Variants in ATP2A1 observed in about 807,000 individuals in gnomAD.
ATP2A1 encodes the protein sarcoplasmic/endoplasmic reticulum calcium ATPase 1.
A neutral mutation model predicts 109.5 loss-of-function variants in ATP2A1; 83 were observed. The ratio of observed to expected loss-of-function variants is 0.76; its 90% CI spans 0.63 to 0.91. ATP2A1 has a LOEUF of 0.91. Among genes scored for constraint, ATP2A1 ranks in the 40% least tolerant of loss-of-function variants. The probability of loss-of-function intolerance (pLI) is 0.00; values close to 1 mark genes in which losing one functional copy is unlikely to be tolerated. For missense variants in ATP2A1, 1,101 were observed against 1,341.0 expected (o/e 0.82, Z 2.80); for synonymous variants, 505 against 537.6 (o/e 0.94, Z 0.84).
intron 9 of ATP2A1, among the ~76,000 whole-genome samples, chr16:28,893,655 GTTT>G (rs11304796): frequency 5.4e-5 from 6 of 111,982 alleles, no homozygotes; most frequent in Admixed American, 9.5e-5. Context: ...GTTTTTTTTT[GTTT>G]TTTTTTTTTT....
intron 6 of ATP2A1, among the ~76,000 whole-genome samples, chr16:28,885,553 A>G (rs1441915130): frequency 3.9e-5 from 6 of 151,946 alleles, no homozygotes; most frequent in Non-Finnish European, 7.4e-5. Flanking sequence ...CGTCTTGGCC[A>G]GGCTGGTCTT....
Position 28,898,045 on chromosome 16 carries a change from C to A in ATP2A1, c.1465C>A (p.Arg489=), listed in dbSNP as rs371090069. Residue 489 remains arginine, a synonymous_variant, in exon 13 of 23, where the codon CGA becomes AGA. Coordinates refer to ENST00000395503, the MANE Select transcript of ATP2A1 (RefSeq NM_004320.6). This position sits in a 1 kb window ranked among gnomAD's most constrained non-coding sequence, Gnocchi z 4.0. ...GAAGGAATTCACCCTGGAGTTCTCC[C>A]GAGACAGAAAGTCCATGTCTGTCTA... is the stretch of plus-strand genomic sequence containing the variant. The part of the protein sequence containing the change: ...MKKEFTLEFS[R]DRKSMSVYCS... 3 of 1,614,044 alleles carry A rather than the reference C, an allele frequency of 1.9e-6. No homozygotes were observed. Among genetic ancestry groups the A allele is most frequent in the African/African-American group, 2.7e-5 (2 of 74,936 alleles).
Position 28,882,468 on chromosome 16 carries a change from C to T in ATP2A1, c.342C>T (p.Asn114=), listed in dbSNP as rs770335039. 33 of 1,614,066 alleles carry T rather than the reference C, an allele frequency of 2.0e-5. No individual in the cohort carries two copies. In the Admixed American group the frequency reaches 4.5e-4, roughly 22 times the overall value. The change falls in exon 5 of 23, where the codon AAC becomes AAT. Residue 114 remains asparagine (N), a synonymous_variant. Coordinates refer to ENST00000395503, the MANE Select transcript of ATP2A1 (RefSeq NM_004320.6). ...CTCCTCAGGAGCGGAACGCAGAGAA[C>T]GCCATCGAGGCCCTGAAGGAGTATG... is the stretch of plus-strand genomic sequence containing the variant. ...VGVWQERNAE[N]AIEALKEYEP...
rs755230208 is a variant in ATP2A1 at position 28,902,817 on chromosome 16, G to A, written c.2650G>A (p.Glu884Lys). 1 of 1,613,930 alleles carries A rather than the reference G, an allele frequency of 6.2e-7. No homozygotes were observed. The highest frequency in any genetic ancestry group is 8.5e-7 in the Non-Finnish European group (1 of 1,179,920). ...GTGCACCGAGGACAACACCCACTTT[G>A]AGGGCATAGACTGTGAGGTCTTCGA... ...MQCTEDNTHFEGIDCEVFEAP... is the reference protein window; with the variant it reads ...MQCTEDNTHFKGIDCEVFEAP... The change falls in exon 19 of 23, where the codon GAG becomes AAG. Residue 884 changes from glutamate (E) to lysine (K), a missense_variant. Transcript: ENST00000395503. The surrounding 1 kb of genome is among the most constrained non-coding windows in gnomAD (Gnocchi z 4.8).
chr16:28,902,494 C>A lies in ATP2A1; in HGVS notation c.2525-86C>A. On this transcript the variant is annotated intron_variant, in intron 17 of 22. Transcript: ENST00000395503. The surrounding 1 kb of genome is among the most constrained non-coding windows in gnomAD (Gnocchi z 4.8). Reference sequence around the variant, plus strand: ...TGAGAGGGTCTTCTTCCTTGGCCAGCCTGTCCATGGCCACATGAGGCCCTC... The same window carrying A: ...TGAGAGGGTCTTCTTCCTTGGCCAGACTGTCCATGGCCACATGAGGCCCTC... The A allele has an allele frequency of 6.4e-7, 1 of 1,562,014 alleles. No homozygotes were observed. Among genetic ancestry groups the A allele is most frequent in the Non-Finnish European group, 8.8e-7 (1 of 1,140,876 alleles).
chr16:28,882,683 A>C, intron 5 of ATP2A1, 94 bp downstream of exon 5: 1 of 1,553,234 alleles, frequency 6.4e-7, no homozygotes, highest in Non-Finnish European at 8.7e-7. Context: ...CCAGGTGTCC[A>C]GGAGGATGAC....
Position 28,884,668 on chromosome 16 carries a change from G to A in ATP2A1, c.544+13G>A, listed in dbSNP as rs776048985. Reference sequence around the variant, plus strand: ...TCCATCCTGACAGGTCTGCTGGCCTGGGTGGGAAGATGCATGGGGGTGGGA... The same window carrying A: ...TCCATCCTGACAGGTCTGCTGGCCTAGGTGGGAAGATGCATGGGGGTGGGA... On this transcript the variant is annotated intron_variant, in intron 6 of 22. Transcript: ENST00000395503. The A allele has an allele frequency of 3.1e-6, 5 of 1,611,286 alleles. No individual in the cohort carries two copies. In the South Asian group the frequency reaches 5.5e-5, roughly 18 times the overall value.
chr16:28,902,550 T>C lies in ATP2A1; in HGVS notation c.2525-30T>C, dbSNP rs1567491963. 1.9e-6 allele frequency: 3 copies of C among 1,609,388 alleles called. No individual in the cohort carries two copies. ...TCGATGCCCCCTATCTCCCCAGCCC[T>C]GACCCCCGACTCCCCTCTCTCCACC... is the stretch of plus-strand genomic sequence containing the variant. On this transcript the variant is annotated intron_variant, in intron 17 of 22. Transcript: ENST00000395503. This position sits in a 1 kb window ranked among gnomAD's most constrained non-coding sequence, Gnocchi z 4.8.
chr16:28,904,076 TA>T, intron 22 of ATP2A1, 103 bp from the exon 23 acceptor site: 1 of 1,096,132 alleles, frequency 9.1e-7, no homozygotes, highest in Non-Finnish European at 1.4e-6. Flanking sequence ...GGCAGGGTGG[TA>T]AGCTTCTGAG....
chr16:28,880,096 T>C lies in ATP2A1; in HGVS notation c.219+513T>C, dbSNP rs1963416274. On this transcript the variant is annotated intron_variant, in intron 3 of 22. Coordinates refer to ENST00000395503, the MANE Select transcript of ATP2A1 (RefSeq NM_004320.6). The surrounding 1 kb of genome is among the most constrained non-coding windows in gnomAD (Gnocchi z 4.2). ...TGACTCCAAGGAGCCCGGCGCCCGG[T>C]CAGGGAGGGCACTGGCATCCCTCAT... 1 of 996,308 alleles carries C rather than the reference T, an allele frequency of 1.0e-6. No individual in the cohort carries two copies. The highest frequency in any genetic ancestry group is 4.6e-5 in the South Asian group (1 of 21,908). 61.7% of individuals were successfully genotyped at this position (996,308 alleles called of 1,614,324 possible). A position where few individuals can be genotyped will look rare whatever the true frequency, so the allele number is the denominator to read the frequency against.
Position 28,903,918 on chromosome 16 carries a change from G to A in ATP2A1, c.*37+177G>A. 1 of 766,606 alleles carries A rather than the reference G, an allele frequency of 1.3e-6. No individual in the cohort carries two copies. Among genetic ancestry groups the A allele is most frequent in the Non-Finnish European group, 2.3e-6 (1 of 444,126 alleles). The allele number at this position is 766,606 out of a possible 1,614,324, so 47.5% of individuals were successfully genotyped here. On this transcript the variant is annotated intron_variant, in intron 22 of 22. Transcript: ENST00000395503. The surrounding 1 kb of genome is among the most constrained non-coding windows in gnomAD (Gnocchi z 5.6). ...GCCGCTGGCCTCCCACTGGGCGTCAGTTTGGCTCCCAGGCCCTGGGCAGTG... is the reference window on the plus strand; with the variant it reads ...GCCGCTGGCCTCCCACTGGGCGTCAATTTGGCTCCCAGGCCCTGGGCAGTG...
Position 28,894,538 on chromosome 16 carries a change from G to A in ATP2A1, c.1218G>A (p.Gln406=), listed in dbSNP as rs577190575. 14 of 1,614,130 alleles carry A rather than the reference G, an allele frequency of 8.7e-6. No individual in the cohort carries two copies. In the African/African-American group the frequency reaches 1.9e-4, roughly 22 times the overall value. The change falls in exon 11 of 23, where the codon CAG becomes CAA. Residue 406 remains glutamine (Q), a synonymous_variant. Coordinates refer to ENST00000395503, the MANE Select transcript of ATP2A1 (RefSeq NM_004320.6). ...LKNDKPVRPG[Q]YDGLVELATI... Reference sequence around the variant, plus strand: ...ATGATAAGCCAGTCCGGCCAGGGCAGTATGACGGGCTGGTGGAGCTGGCCA... The same window carrying A: ...ATGATAAGCCAGTCCGGCCAGGGCAATATGACGGGCTGGTGGAGCTGGCCA...
intron 5 of ATP2A1, 36 bp downstream of exon 5, chr16:28,882,625 C>T: frequency 1.2e-6 from 2 of 1,612,216 alleles, no homozygotes; most frequent in Non-Finnish European, 1.7e-6. Context: ...GGATGGGAGG[C>T]CTTGGGGCTG....
At position 28,898,537 on chromosome 16, in the gene ATP2A1, A is replaced by G. The variant is rs1963982075; in HGVS notation, c.1764+86A>G. On this transcript the variant is annotated intron_variant, in intron 14 of 22. Coordinates refer to ENST00000395503, the MANE Select transcript of ATP2A1 (RefSeq NM_004320.6). The surrounding 1 kb of genome is among the most constrained non-coding windows in gnomAD (Gnocchi z 4.0). ...CACTCACAGCTCCACCACCCGGATC[A>G]TTTCCTACCTCGTCAGTCAAGTTGA... is the stretch of plus-strand genomic sequence containing the variant. 7.0e-7 allele frequency: 1 copy of G among 1,425,658 alleles called. No individual in the cohort carries two copies. The highest frequency in any genetic ancestry group is 1.2e-5 in the South Asian group (1 of 82,478). The allele number at this position is 1,425,658 out of a possible 1,614,324, so 88.3% of individuals were successfully genotyped here.
intron 4 of ATP2A1, among the ~76,000 whole-genome samples, chr16:28,882,044 C>G (rs963214474): frequency 6.7e-6 from 1 of 149,426 alleles, no homozygotes. Flanking sequence ...TCTGGTGATT[C>G]TCGTGCCTCA....
Position 28,902,321 on chromosome 16 carries a change from C to T in ATP2A1, c.2459C>T (p.Pro820Leu). Residue 820 changes from proline to leucine, a missense_variant, in exon 17 of 23, where the codon CCC becomes CTC. Transcript: ENST00000395503. The surrounding 1 kb of genome is among the most constrained non-coding windows in gnomAD (Gnocchi z 4.8). The part of the protein sequence containing the change: ...NPPDLDIMDR[P>L]PRSPKEPLIS... ...CCAGACCTGGACATCATGGACCGCC[C>T]CCCCCGGAGCCCCAAGGAGCCCCTC... is the stretch of plus-strand genomic sequence containing the variant. The T allele has an allele frequency of 6.2e-7, 1 of 1,614,154 alleles. No homozygotes were observed. The highest frequency in any genetic ancestry group is 8.5e-7 in the Non-Finnish European group (1 of 1,180,016).
chr16:28,899,545 A>G (rs1964006958), intron 14 of ATP2A1, among the ~76,000 whole-genome samples: 1 of 147,430 alleles, frequency 6.8e-6, no homozygotes, highest in Non-Finnish European at 1.5e-5. Context: ...AGGCTGAGGC[A>G]GGAGAATCGC....
Position 28,902,570 on chromosome 16 carries a change from T to C in ATP2A1, c.2525-10T>C. ...AGCCCTGACCCCCGACTCCCCTCTC[T>C]CCACCACAGGCTATGTGGGTGCAGC... is the stretch of plus-strand genomic sequence containing the variant. On this transcript the variant is annotated splice_polypyrimidine_tract_variant and intron_variant, in intron 17 of 22. Transcript: ENST00000395503. The surrounding 1 kb of genome is among the most constrained non-coding windows in gnomAD (Gnocchi z 4.8). 1 of 1,613,718 alleles carries C rather than the reference T, an allele frequency of 6.2e-7. No homozygotes were observed. The highest frequency in any genetic ancestry group is 8.5e-7 in the Non-Finnish European group (1 of 1,179,812).
At chr16:28,889,114 G>A (rs1963699337) in intron 9 of ATP2A1, among the ~76,000 whole-genome samples, 161 bp downstream of exon 9, 1 of 152,034 alleles carries the variant, frequency 6.6e-6, no homozygotes. Flanking sequence ...GCCATGAACG[G>A]GATCAGAGAG....
Sources: allele counts gnomAD v4.1 joint callset (sites outside exome capture counted in the v4.1 genomes callset), GRCh38; gene constraint gnomAD v4.1.1; non-coding constraint Gnocchi (gnomAD v3.1); transcripts MANE v1.5; gene names NCBI Gene and HGNC (gene_info 2026-07-23, HGNC 2026-07-21).